Variants in NRXN3 observed in about 807,000 individuals in gnomAD.
The protein encoded by NRXN3 is neurexin III.
NRXN3 carries 32 observed loss-of-function variants against 137.6 expected under a neutral mutation model. The ratio of observed to expected loss-of-function variants is 0.23; its 90% CI spans 0.18 to 0.31. The LOEUF is 0.31. NRXN3 is among the 10% of genes least tolerant of loss of function. The pLI is 1.00. For synonymous variants in NRXN3, 798 were observed against 784.5 expected (o/e 1.02, Z -0.29); for missense variants, 1,574 against 2,062.5 (o/e 0.76, Z 4.59).
At chr14:78,734,523 C>G (rs2098532768) in intron 8 of NRXN3, among the ~76,000 whole-genome samples, 1 of 152,102 alleles carries the variant, frequency 6.6e-6, no homozygotes, top group Admixed American at 6.5e-5. Flanking sequence ...CATCTTTGGC[C>G]TCATGGAGTT....
intron 16 of NRXN3, among the ~76,000 whole-genome samples, chr14:79,636,813 C>A (rs1053253796): frequency 6.6e-6 from 1 of 152,146 alleles, no homozygotes; most frequent in Non-Finnish European, 1.5e-5. Context: ...GGTCTAGGCT[C>A]CTCTGCCAAA....
intron 15 of NRXN3, among the ~76,000 whole-genome samples, chr14:79,130,015 G>C (rs1233744099): frequency 6.6e-6 from 1 of 151,286 alleles, no homozygotes; most frequent in Admixed American, 6.6e-5. Context: ...GCCTTTTTTT[G>C]TTTTCCATTT....
At chr14:79,379,993 G>T (rs532256190) in intron 15 of NRXN3, among the ~76,000 whole-genome samples, 1 of 151,832 alleles carries the variant, frequency 6.6e-6, no homozygotes, top group Non-Finnish European at 1.5e-5. Flanking sequence ...AACAATCTAG[G>T]ATTTCTGGAT....
At chr14:79,073,957 CTG>C (rs947355492) in intron 15 of NRXN3, among the ~76,000 whole-genome samples, 2 of 152,192 alleles carry the variant, frequency 1.3e-5, no homozygotes, top group African/African-American at 4.8e-5. Context: ...GATTAAATCT[CTG>C]TAACACACGT....
At chr14:79,545,623 G>T (rs552002029) in intron 16 of NRXN3, among the ~76,000 whole-genome samples, 1 of 151,250 alleles carries the variant, frequency 6.6e-6, no homozygotes, top group South Asian at 2.1e-4. Context: ...CATGGGGGAG[G>T]TACATTATTC....
At chr14:79,766,273 G>A (rs571671631) in intron 19 of NRXN3, among the ~76,000 whole-genome samples, 20 of 152,166 alleles carry the variant, frequency 1.3e-4, no homozygotes, top group Admixed American at 5.2e-4. Context: ...TCTAGGAATG[G>A]GTTTTTCTCT....
chr14:79,499,147 A>G (rs770965273), intron 16 of NRXN3, among the ~76,000 whole-genome samples: 20 of 152,188 alleles, frequency 1.3e-4, no homozygotes, highest in Non-Finnish European at 2.5e-4. Flanking sequence ...GTAGCTTTAT[A>G]TTATATTACC....
chr14:79,844,067 A>G (rs1035602379), intron 20 of NRXN3, among the ~76,000 whole-genome samples: 3 of 152,114 alleles, frequency 2.0e-5, no homozygotes, highest in Admixed American at 6.6e-5. Flanking sequence ...AGTTGCTGCA[A>G]AAGACATTAT....
At position 79,044,600 on chromosome 14, in the gene NRXN3, T is replaced by C. The variant is rs188560450; in HGVS notation, c.3262+56459T>C. ...TTACTACTGTTGATGATAATACTTT[T>C]GAAAACATAGTTGACTTGTTATAAT... On this transcript the variant is annotated intron_variant, in intron 15 of 20. Transcript: ENST00000335750. Among the ~76,000 whole-genome samples, 639 of 152,306 alleles carry C rather than the reference T, an allele frequency of 4.2e-3. 5 individuals are homozygous for C. Among genetic ancestry groups the C allele is most frequent in the Non-Finnish European group, 7.5e-3 (507 of 68,030 alleles).
At chr14:79,794,689 T>C (rs1180335282) in intron 19 of NRXN3, among the ~76,000 whole-genome samples, 1 of 152,194 alleles carries the variant, frequency 6.6e-6, no homozygotes, top group Non-Finnish European at 1.5e-5. Flanking sequence ...AGCTTTGGCC[T>C]GAGAACTTAC....
intron 8 of NRXN3, among the ~76,000 whole-genome samples, chr14:78,792,285 G>GAAAAAAAAAAAAAAAAAAAAA (rs2098808127): frequency 1.7e-5 from 1 of 58,962 alleles, no homozygotes; most frequent in African/African-American, 8.4e-5. Context: ...AAAAAAAAAG[G>GAAAAAAAAAAAAAAAAAAAAA]AAAGCCAAAA....
chr14:78,475,553 C>A (rs1294232934), intron 4 of NRXN3, among the ~76,000 whole-genome samples: 1 of 152,144 alleles, frequency 6.6e-6, no homozygotes, highest in African/African-American at 2.4e-5. Flanking sequence ...ACAGTCTTGG[C>A]ATTAATGAGT....
chr14:78,996,351 A>G (rs2099530073), intron 15 of NRXN3, among the ~76,000 whole-genome samples: 1 of 152,198 alleles, frequency 6.6e-6, no homozygotes, highest in African/African-American at 2.4e-5. Flanking sequence ...TCAAGGTGAC[A>G]AAACTATTAG....
At chr14:78,420,081 C>A (rs1363799436) in intron 4 of NRXN3, among the ~76,000 whole-genome samples, 1 of 151,832 alleles carries the variant, frequency 6.6e-6, no homozygotes, top group Non-Finnish European at 1.5e-5. Flanking sequence ...TGCTTTTGGG[C>A]AGGGAAGATG....
chr14:78,685,153 G>T (rs972235019), intron 6 of NRXN3, among the ~76,000 whole-genome samples: 1 of 152,168 alleles, frequency 6.6e-6, no homozygotes, highest in African/African-American at 2.4e-5. Flanking sequence ...ATGAGTAAAG[G>T]CTGTATGTGA....
chr14:78,685,053 G>A (rs953444719), intron 6 of NRXN3, among the ~76,000 whole-genome samples: 1 of 152,152 alleles, frequency 6.6e-6, no homozygotes, highest in African/African-American at 2.4e-5. Context: ...AGTAAATCAA[G>A]GGTTATAATG....
chr14:79,675,155 G>T (rs1002746765), intron 17 of NRXN3, among the ~76,000 whole-genome samples: 6 of 151,964 alleles, frequency 3.9e-5, no homozygotes, highest in Non-Finnish European at 5.9e-5. Context: ...TGTAGACAGG[G>T]AAACCCTGAT....
chr14:79,660,619 C>T (rs548678519), intron 16 of NRXN3, among the ~76,000 whole-genome samples: 1 of 152,286 alleles, frequency 6.6e-6, no homozygotes, highest in East Asian at 1.9e-4. Flanking sequence ...AGCGAACTCA[C>T]TGAGCCAGAA....
intron 9 of NRXN3, 130 bp from the exon 10 acceptor site, chr14:78,810,188 T>C (rs1158759508): frequency 6.3e-6 from 4 of 632,126 alleles, no homozygotes; most frequent in Non-Finnish European, 1.1e-5. Flanking sequence ...GTACATACTT[T>C]ATATATATAA....
Sources: allele counts gnomAD v4.1 joint callset (sites outside exome capture counted in the v4.1 genomes callset), GRCh38; gene constraint gnomAD v4.1.1; transcripts MANE v1.5; gene names NCBI Gene and HGNC (gene_info 2026-07-23, HGNC 2026-07-21).